CA10: variants seen among roughly 807,000 people sequenced by gnomAD.
The protein encoded by CA10 is carbonic anhydrase 10 (inactive).
In CA10, 14 loss-of-function variants were observed where a neutral mutation model predicts 44.2. The ratio of observed to expected loss-of-function variants is 0.32; its 90% CI spans 0.21 to 0.50. The LOEUF is 0.50. Among genes scored for constraint, CA10 ranks in the 20% least tolerant of loss-of-function variants. The pLI is 0.99. For missense variants in CA10, 350 were observed against 409.7 expected, an observed-to-expected ratio of 0.85 and a Z score of 1.26; for synonymous variants, 159 against 141.6, an observed-to-expected ratio of 1.12 and a Z score of -0.87.
At chr17:52,039,891 T>C (rs1986721438) in intron 2 of CA10, among the ~76,000 whole-genome samples, 1 of 152,020 alleles carries the variant, frequency 6.6e-6, no homozygotes, top group African/African-American at 2.4e-5. Context: ...TAATATATAA[T>C]ACAGTACATT....
rs1567785259 is a variant in CA10, at chr17:51,641,171, C to CTT, written c.635-5163_635-5162insAA. On this transcript the variant is annotated intron_variant, in intron 6 of 8. Transcript: ENST00000451037. ...TCTCAGCTCTCTCTCTCTCTCCTCTCTCTCTCTCTCATATCTCTATCACCT... is the reference window on the plus strand; with the variant it reads ...TCTCAGCTCTCTCTCTCTCTCCTCTCTTTCTCTCTCTCATATCTCTATCACCT... Among the ~76,000 whole-genome samples the CTT allele has an allele frequency of 8.4e-4, 16 of 19,074 alleles. No homozygotes were observed. The East Asian group carries it at 0.019, about 23-fold the overall frequency. 12.5% of individuals were successfully genotyped at this position (19,074 alleles called of 152,430 possible).
intron 4 of CA10, among the ~76,000 whole-genome samples, chr17:51,689,827 T>G (rs1345746307): frequency 1.3e-5 from 2 of 152,244 alleles, no homozygotes; most frequent in East Asian, 3.8e-4. Context: ...ATATGTTTAT[T>G]GTGTGCAATG....
chr17:51,914,329 T>C (rs1981906442), intron 3 of CA10, among the ~76,000 whole-genome samples: 1 of 152,158 alleles, frequency 6.6e-6, no homozygotes, highest in South Asian at 2.1e-4. Context: ...ATTAAAACTA[T>C]GTGTTTTCCC....
At chr17:51,923,164 G>A (rs1982296868) in intron 3 of CA10, among the ~76,000 whole-genome samples, 1 of 152,118 alleles carries the variant, frequency 6.6e-6, no homozygotes, top group African/African-American at 2.4e-5. Flanking sequence ...AAATGGGTAA[G>A]GATACTTATC....
intron 8 of CA10, among the ~76,000 whole-genome samples, chr17:51,632,074 A>G (rs1480351524): frequency 6.6e-6 from 1 of 152,218 alleles, no homozygotes; most frequent in Admixed American, 6.5e-5. Context: ...TTATAAATAA[A>G]GTTTTATTGG....
At chr17:51,759,538 A>G (rs1170709693) in intron 3 of CA10, among the ~76,000 whole-genome samples, 2 of 150,988 alleles carry the variant, frequency 1.3e-5, no homozygotes, top group South Asian at 2.1e-4. Context: ...TTGGATGTCT[A>G]TTTACCAGTC....
At chr17:51,760,591 G>A (rs2143635959) in intron 3 of CA10, among the ~76,000 whole-genome samples, 1 of 152,270 alleles carries the variant, frequency 6.6e-6, no homozygotes, top group Admixed American at 6.5e-5. Flanking sequence ...GGGATGGGAT[G>A]CGAGACTTAC....
intron 4 of CA10, among the ~76,000 whole-genome samples, chr17:51,685,844 A>G (rs1914990195): frequency 6.6e-6 from 1 of 152,198 alleles, no homozygotes; most frequent in Admixed American, 6.5e-5. Context: ...TTCCTGCCTC[A>G]CAGGCACCTG....
chr17:51,830,195 CAAAAAAAAAAAAA>C (rs1220410518), intron 3 of CA10, among the ~76,000 whole-genome samples: 1 of 89,986 alleles, frequency 1.1e-5, no homozygotes, highest in African/African-American at 4.8e-5. Flanking sequence ...GACTCCATCT[CAAAAAAAAAAAAA>C]AAAAAAAAGA....
intron 6 of CA10, among the ~76,000 whole-genome samples, chr17:51,637,619 A>AT (rs1912890161): frequency 6.6e-6 from 1 of 152,258 alleles, no homozygotes; most frequent in Non-Finnish European, 1.5e-5. Flanking sequence ...AGTATTGTGC[A>AT]CATATATGGT....
chr17:51,751,381 C>T (rs1015024932), intron 3 of CA10, among the ~76,000 whole-genome samples: 1 of 152,186 alleles, frequency 6.6e-6, no homozygotes, highest in African/African-American at 2.4e-5. Context: ...ATGTACTTAA[C>T]ACCATTGAAT....
chr17:51,793,687 G>A (rs1010366193), intron 3 of CA10, among the ~76,000 whole-genome samples: 1 of 152,206 alleles, frequency 6.6e-6, no homozygotes, highest in Non-Finnish European at 1.5e-5. Flanking sequence ...GCTGTTGATT[G>A]GTAAATTAGT....
At chr17:51,650,847 C>T (rs1913536440) in intron 5 of CA10, among the ~76,000 whole-genome samples, 1 of 152,152 alleles carries the variant, frequency 6.6e-6, no homozygotes, top group South Asian at 2.1e-4. Flanking sequence ...TGAAAAATTT[C>T]CAAAGTGCAC....
chr17:52,125,818 G>T lies in CA10; in HGVS notation c.61+31908C>A, dbSNP rs192188015. 8.7e-4 allele frequency among the ~76,000 whole-genome samples: 133 copies of T among 152,014 alleles called. 1 individual carries two copies. The highest frequency in any genetic ancestry group is 3.1e-3 in the African/African-American group (130 of 41,440). On this transcript the variant is annotated intron_variant, in intron 1 of 8. Coordinates refer to ENST00000451037, the MANE Select transcript of CA10 (RefSeq NM_020178.5). ...CACAGAGTGCTTCCATTGTTTGGGG[G>T]TGACTGATGTTTGGGGGTGACTGAT...
intron 4 of CA10, among the ~76,000 whole-genome samples, chr17:51,717,690 CATATATGCATGTATATAT>C (rs1916176303): frequency 1.6e-5 from 1 of 62,146 alleles, no homozygotes; most frequent in Non-Finnish European, 3.2e-5. Flanking sequence ...TATATGTATA[CATATATGCATGTATATAT>C]ACATATATAC....
At chr17:52,033,736 C>A (rs980553898) in intron 2 of CA10, among the ~76,000 whole-genome samples, 4 of 152,140 alleles carry the variant, frequency 2.6e-5, no homozygotes, top group African/African-American at 9.7e-5. Context: ...TTAATGTATA[C>A]ATTAAAAGGC....
intron 3 of CA10, among the ~76,000 whole-genome samples, chr17:51,876,391 C>T (rs1598094805): frequency 6.7e-6 from 1 of 150,030 alleles, no homozygotes; most frequent in Middle Eastern, 3.4e-3. Context: ...CTATGTTGCC[C>T]AGGCTGGTCT....
intron 2 of CA10, among the ~76,000 whole-genome samples, chr17:51,935,082 C>G (rs768788744): frequency 3.3e-5 from 5 of 152,070 alleles, no homozygotes; most frequent in Non-Finnish European, 5.9e-5. Flanking sequence ...GCAGAACTGT[C>G]AGTTATATCC....
At chr17:51,659,419 C>G (rs980514903) in intron 4 of CA10, among the ~76,000 whole-genome samples, 1 of 152,158 alleles carries the variant, frequency 6.6e-6, no homozygotes, top group African/African-American at 2.4e-5. Flanking sequence ...TCTTGGCTTC[C>G]ATAATTGTGA....
Sources: gnomAD v4.1 joint callset for allele counts (sites outside exome capture counted in the v4.1 genomes callset) on GRCh38, gnomAD v4.1.1 for gene constraint, MANE v1.5 for transcripts, NCBI Gene and HGNC (gene_info 2026-07-23, HGNC 2026-07-21) for gene names.